Variants in CNGA1 observed in about 807,000 individuals in gnomAD.
CNGA1 encodes the protein cyclic nucleotide-gated channel alpha-1.
Under a neutral mutation model 69.7 loss-of-function variants are expected in CNGA1, and 53 were observed. The ratio of observed to expected loss-of-function variants is 0.76; its 90% CI spans 0.61 to 0.96. The LOEUF (loss-of-function observed/expected upper bound fraction) is 0.96, where lower values mean the gene tolerates loss of function less well. Among genes scored for constraint, CNGA1 ranks in the 40% least tolerant of loss-of-function variants. The pLI is 0.00. For synonymous variants in CNGA1, 249 were observed against 283.5 expected, an observed-to-expected ratio of 0.88 and a Z score of 1.22; for missense variants, 739 against 811.2, an observed-to-expected ratio of 0.91 and a Z score of 1.08.
intron 2 of CNGA1, among the ~76,000 whole-genome samples, chr4:47,983,863 T>C (rs1172804904): frequency 6.6e-6 from 1 of 152,226 alleles, no homozygotes; most frequent in African/African-American, 2.4e-5. Context: ...TGAGGTCATT[T>C]GTCCAGAGTC....
intron 3 of CNGA1, among the ~76,000 whole-genome samples, chr4:47,953,557 A>G (rs1739873118): frequency 6.6e-6 from 1 of 152,224 alleles, no homozygotes; most frequent in Non-Finnish European, 1.5e-5. Context: ...TCAGATGCAT[A>G]TATACCCAAG....
intron 6 of CNGA1, among the ~76,000 whole-genome samples, chr4:47,944,736 CCT>C (rs1207633917): frequency 2.0e-5 from 3 of 152,146 alleles, no homozygotes; most frequent in Admixed American, 2.0e-4. Context: ...GTGGTACTAT[CCT>C]CTGTAGGCCA....
chr4:47,960,186 A>G (rs1176193463), intron 3 of CNGA1, among the ~76,000 whole-genome samples: 1 of 152,244 alleles, frequency 6.6e-6, no homozygotes, highest in African/African-American at 2.4e-5. Flanking sequence ...ATCAGTCAAC[A>G]AATAAATGCA....
At chr4:47,941,551 T>C (rs1451927373) in intron 9 of CNGA1, among the ~76,000 whole-genome samples, 1 of 152,164 alleles carries the variant, frequency 6.6e-6, no homozygotes, top group Non-Finnish European at 1.5e-5. Context: ...TCTCCCGATG[T>C]TCTAATTAAG....
Position 47,977,125 on chromosome 4 carries a change from C to T in CNGA1, c.-15+4268G>A, listed in dbSNP as rs182009859. ...TGTTACAGGCTGAATTGTGTGCCCC[C>T]AAAATCCATATATTGAAGCTCTAAC... On this transcript the variant is annotated intron_variant, in intron 3 of 10. Coordinates refer to ENST00000514170, the MANE Select transcript of CNGA1 (RefSeq NM_001379270.1). Among the ~76,000 whole-genome samples, 42 of 152,286 alleles carry T rather than the reference C, an allele frequency of 2.8e-4. No individual in the cohort carries two copies. The East Asian group carries it at 7.5e-3, about 27-fold the overall frequency.
intron 3 of CNGA1, among the ~76,000 whole-genome samples, chr4:47,960,961 G>A (rs1740404264): frequency 6.6e-6 from 1 of 152,142 alleles, no homozygotes; most frequent in African/African-American, 2.4e-5. Flanking sequence ...ATTGGGGAAG[G>A]TGGTTACATG....
intron 2 of CNGA1, among the ~76,000 whole-genome samples, chr4:47,990,495 A>G (rs1254275340): frequency 1.3e-5 from 2 of 152,086 alleles, no homozygotes; most frequent in Non-Finnish European, 2.9e-5. Context: ...TCCTGTTAAG[A>G]TGTTTATCAA....
rs960684921 is a variant in CNGA1, at chr4:47,937,894, T to C, written c.653-65A>G. 2.5e-5 allele frequency: 31 copies of C among 1,239,328 alleles called. No individual in the cohort carries two copies. The African/African-American group carries it at 4.3e-4, about 17-fold the overall frequency. 76.8% of individuals were successfully genotyped at this position (1,239,328 alleles called of 1,614,324 possible). On this transcript the variant is annotated intron_variant, in intron 10 of 10. Coordinates refer to ENST00000514170, the MANE Select transcript of CNGA1 (RefSeq NM_001379270.1). ...TTATGTCATTGTGAATTTTTGTGAA[T>C]AACTGTCAATTAACTTTGTTGAGGT...
At chr4:47,967,309 C>CAA (rs554046959) in intron 3 of CNGA1, among the ~76,000 whole-genome samples, 1 of 150,614 alleles carries the variant, frequency 6.6e-6, no homozygotes, top group Admixed American at 6.6e-5. Flanking sequence ...TCTCAAAAAA[C>CAA]AAAAAAACAA....
At position 48,016,656 on chromosome 4, in the gene CNGA1, C is replaced by T; in HGVS notation, c.-396G>A. 1 of 568,892 alleles carries T rather than the reference C, an allele frequency of 1.8e-6. No individual in the cohort carries two copies. Among genetic ancestry groups the T allele is most frequent in the Non-Finnish European group, 3.0e-6 (1 of 332,448 alleles). 35.2% of individuals were successfully genotyped at this position (568,892 alleles called of 1,614,324 possible). A position where few individuals can be genotyped will look rare whatever the true frequency, so the allele number is the denominator to read the frequency against. ...GGGCCCTGAGAATTCGCAACAAGCCCCGGGCAGCAGGGCTCGGCTGGCGCT... is the reference window on the plus strand; with the variant it reads ...GGGCCCTGAGAATTCGCAACAAGCCTCGGGCAGCAGGGCTCGGCTGGCGCT... On this transcript the variant is annotated 5_prime_UTR_variant, in exon 1 of 11. Coordinates refer to ENST00000514170, the MANE Select transcript of CNGA1 (RefSeq NM_001379270.1).
At chr4:47,981,653 A>T (rs1348931219) in intron 2 of CNGA1, 153 bp from the exon 3 acceptor site, 1 of 152,210 alleles carries the variant, frequency 6.6e-6, no homozygotes, top group Non-Finnish European at 1.5e-5. Flanking sequence ...TTGCGGATTT[A>T]CACATGGATG....
chr4:47,949,798 C>T (rs1418584552), intron 6 of CNGA1, 35 bp downstream of exon 6: 15 of 1,582,976 alleles, frequency 9.5e-6, no homozygotes, highest in Middle Eastern at 1.7e-4. Context: ...TTCTTTAAAA[C>T]CAAAACTTTG....
chr4:47,945,486 C>G (rs570044262), intron 6 of CNGA1, among the ~76,000 whole-genome samples: 1 of 152,282 alleles, frequency 6.6e-6, no homozygotes, highest in South Asian at 2.1e-4. Context: ...GGCACAGGAT[C>G]CATGTTGATG....
chr4:47,988,088 G>A (rs912215528), intron 2 of CNGA1, among the ~76,000 whole-genome samples: 9 of 152,122 alleles, frequency 5.9e-5, no homozygotes, highest in Non-Finnish European at 1.2e-4. Flanking sequence ...CGGTGAGAAC[G>A]GGTCAGATTC....
At chr4:48,011,129 T>A (rs1346658816) in intron 1 of CNGA1, among the ~76,000 whole-genome samples, 1 of 152,134 alleles carries the variant, frequency 6.6e-6, no homozygotes, top group Non-Finnish European at 1.5e-5. Flanking sequence ...CTCCTTACTA[T>A]CTGATTGGTC....
chr4:47,968,029 T>C (rs936914544), intron 3 of CNGA1, among the ~76,000 whole-genome samples: 1 of 151,892 alleles, frequency 6.6e-6, no homozygotes, highest in Non-Finnish European at 1.5e-5. Context: ...ACTTAATAAA[T>C]AGCACACATG....
At position 47,977,896 on chromosome 4, in the gene CNGA1, G is replaced by A. The variant is rs531126763; in HGVS notation, c.-15+3497C>T. ...GGCTGGAGTGCAATGGCACGATCTC[G>A]GCTCACTGCAACCTCTGCCTCCCTG... On this transcript the variant is annotated intron_variant, in intron 3 of 10. Transcript: ENST00000514170. Among the ~76,000 whole-genome samples, 15 of 151,032 alleles carry A rather than the reference G, an allele frequency of 9.9e-5. No homozygotes were observed. The South Asian group carries it at 2.7e-3, about 27-fold the overall frequency.
intron 2 of CNGA1, among the ~76,000 whole-genome samples, chr4:47,995,175 T>C (rs748100229): frequency 8.6e-6 from 1 of 115,706 alleles, no homozygotes; most frequent in Admixed American, 9.0e-5. Flanking sequence ...CTTTTTGTGA[T>C]GAATTTCCTA....
In CNGA1 at chr4:47,984,667, C is replaced by T. The variant is rs1292263415; in HGVS notation, c.-122-3167G>A. ...AAAAAAATATATATATATATATACA[C>T]ACACACACACACACACACACACACA... On this transcript the variant is annotated intron_variant, in intron 2 of 10. Transcript: ENST00000514170. Among the ~76,000 whole-genome samples, 233 of 100,204 alleles carry T rather than the reference C, an allele frequency of 2.3e-3. 1 individual carries two copies. Among genetic ancestry groups the T allele is most frequent in the African/African-American group, 0.015 (225 of 15,488 alleles). The allele number at this position is 100,204 out of a possible 152,430, so 65.7% of individuals were successfully genotyped here. A position where few individuals can be genotyped will look rare whatever the true frequency, so the allele number is the denominator to read the frequency against.
Sources: allele counts gnomAD v4.1 joint callset (sites outside exome capture counted in the v4.1 genomes callset), GRCh38; gene constraint gnomAD v4.1.1; transcripts MANE v1.5; gene names NCBI Gene and HGNC (gene_info 2026-07-23, HGNC 2026-07-21).